The following KRABD5 variants were observed in gnomAD, a reference collection of about 807,000 sequenced individuals.
The protein encoded by KRABD5 is KRAB domain-containing protein 5.
the KRABD5 span, among the ~76,000 whole-genome samples, chr16:31,752,800 G>A: frequency 1.3e-5 from 2 of 152,154 alleles, no homozygotes. Context: ...CCAGGAATTC[G>A]AGGTTCCAGT....
chr16:31,745,302 A>C, the KRABD5 span, among the ~76,000 whole-genome samples: 1 of 152,114 alleles, frequency 6.6e-6, no homozygotes. Flanking sequence ...TGCATCCCAG[A>C]GATTCTGGTA....
At chr16:31,758,803 T>G in the KRABD5 span, 1 of 151,944 alleles carries the variant, frequency 6.6e-6, no homozygotes, top group Non-Finnish European at 1.5e-5. Flanking sequence ...GAAAAGTGTA[T>G]TTGCATATTT....
the KRABD5 span, chr16:31,753,930 G>A: frequency 5.8e-6 from 9 of 1,550,876 alleles, no homozygotes; most frequent in African/African-American, 1.1e-4. Flanking sequence ...TGGATATTAT[G>A]ATGGACATAC....
chr16:31,737,231 G>T, the KRABD5 span, among the ~76,000 whole-genome samples: 3 of 150,672 alleles, frequency 2.0e-5, no homozygotes, highest in African/African-American at 7.2e-5. Flanking sequence ...GAAATAAAAG[G>T]CATCCAAATT....
chr16:31,759,578 G>T, the KRABD5 span: 11 of 656,288 alleles, frequency 1.7e-5, no homozygotes, highest in South Asian at 1.6e-4. Flanking sequence ...AATGGGTGGG[G>T]GTAGGGAAAG....
the KRABD5 span, among the ~76,000 whole-genome samples, chr16:31,751,758 CAATT>C: frequency 8.5e-5 from 13 of 152,144 alleles, no homozygotes; most frequent in African/African-American, 7.2e-5. Flanking sequence ...TTTGGGGTCT[CAATT>C]AATTCAGTTA....
At chr16:31,741,356 G>A in the KRABD5 span, among the ~76,000 whole-genome samples, 1 of 152,182 alleles carries the variant, frequency 6.6e-6, no homozygotes, top group Non-Finnish European at 1.5e-5. Context: ...TCAAATGGTA[G>A]TTCTGAGTTC....
At chr16:31,713,361 T>C in the KRABD5 span, 2 of 1,573,954 alleles carry the variant, frequency 1.3e-6, no homozygotes, top group Admixed American at 3.6e-5. Flanking sequence ...AGACAGAACC[T>C]CTGTTACTCT....
At chr16:31,713,860 T>A in the KRABD5 span, among the ~76,000 whole-genome samples, 1 of 152,170 alleles carries the variant, frequency 6.6e-6, no homozygotes, top group Non-Finnish European at 1.5e-5. Flanking sequence ...AAACAGCGAT[T>A]GGTGAAATGG....
chr16:31,733,166 G>T, the KRABD5 span, among the ~76,000 whole-genome samples: 5 of 151,870 alleles, frequency 3.3e-5, no homozygotes, highest in Admixed American at 6.5e-5. Context: ...AATACTACGT[G>T]TTATTCATCT....
the KRABD5 span, chr16:31,722,526 ATCAG>A: frequency 1.4e-6 from 2 of 1,387,782 alleles, no homozygotes; most frequent in African/African-American, 1.5e-5. Context: ...ACTCATATAA[ATCAG>A]TCAGTTTTCT....
chr16:31,746,335 G>T, the KRABD5 span, among the ~76,000 whole-genome samples: 4 of 152,050 alleles, frequency 2.6e-5, no homozygotes, highest in African/African-American at 9.7e-5. Context: ...CTCAGCATTT[G>T]CTTGTCTGGA....
the KRABD5 span, chr16:31,758,673 C>A: frequency 6.6e-6 from 1 of 151,006 alleles, no homozygotes; most frequent in South Asian, 2.1e-4. Flanking sequence ...ACTTGGGAGG[C>A]TGAAGCAGGA....
the KRABD5 span, among the ~76,000 whole-genome samples, chr16:31,728,845 G>A: frequency 6.6e-6 from 1 of 152,070 alleles, no homozygotes; most frequent in Non-Finnish European, 1.5e-5. Flanking sequence ...TTAATTTTGT[G>A]CCTGAATGAT....
At chr16:31,718,880 C>T in the KRABD5 span, among the ~76,000 whole-genome samples, 6 of 152,198 alleles carry the variant, frequency 3.9e-5, no homozygotes, top group African/African-American at 1.2e-4. Flanking sequence ...TGAGGTCAGG[C>T]TGACAACAGG....
At chr16:31,752,856 T>C in the KRABD5 span, among the ~76,000 whole-genome samples, 1 of 152,234 alleles carries the variant, frequency 6.6e-6, no homozygotes, top group South Asian at 2.1e-4. Flanking sequence ...AGACCTTGTC[T>C]ATAAGACAAA....
the KRABD5 span, among the ~76,000 whole-genome samples, chr16:31,732,661 T>C: frequency 6.6e-6 from 1 of 152,196 alleles, no homozygotes; most frequent in Non-Finnish European, 1.5e-5. Flanking sequence ...AGCTTTTATT[T>C]TTAGCTTCTA....
the KRABD5 span, among the ~76,000 whole-genome samples, chr16:31,741,744 G>A: frequency 6.6e-6 from 1 of 152,038 alleles, no homozygotes; most frequent in African/African-American, 2.4e-5. Flanking sequence ...CTCCTGTTCT[G>A]TAGGTTATTG....
At chr16:31,736,601 T>G in the KRABD5 span, among the ~76,000 whole-genome samples, 1 of 150,138 alleles carries the variant, frequency 6.7e-6, no homozygotes, top group African/African-American at 2.5e-5. Flanking sequence ...TACTGCAACC[T>G]CCGCTTCCTG....
Sources: gnomAD v4.1 joint callset for allele counts (sites outside exome capture counted in the v4.1 genomes callset) on GRCh38, gnomAD v4.1.1 for gene constraint, MANE v1.5 for transcripts, NCBI Gene and HGNC (gene_info 2026-07-23, HGNC 2026-07-21) for gene names.